NAV1: variants seen among roughly 807,000 people sequenced by gnomAD.
NAV1 encodes pore membrane and/or filament interacting like protein 3.
NAV1 carries 18 observed loss-of-function variants against 175.2 expected under a neutral mutation model. The observed-to-expected ratio is 0.10, with a 90% confidence interval of 0.07 to 0.15. NAV1 has a LOEUF of 0.15. NAV1 is among the 10% of genes least tolerant of loss of function. The probability of loss-of-function intolerance (pLI) is 1.00; values close to 1 mark genes in which losing one functional copy is unlikely to be tolerated. For synonymous variants in NAV1, 897 were observed against 978.7 expected (o/e 0.92, Z 1.56); for missense variants, 1,731 against 2,436.6 (o/e 0.71, Z 6.10).
intron 1 of NAV1, among the ~76,000 whole-genome samples, chr1:201,540,031 G>C (rs374797209): frequency 6.6e-6 from 1 of 152,326 alleles, no homozygotes; most frequent in Non-Finnish European, 1.5e-5. Context: ...GAGCGCTCCC[G>C]AGGCTTGGGC....
intron 1 of NAV1, among the ~76,000 whole-genome samples, chr1:201,704,918 A>C (rs1671602151): frequency 6.6e-6 from 1 of 152,186 alleles, no homozygotes; most frequent in Non-Finnish European, 1.5e-5. Flanking sequence ...CTGAGGCCCA[A>C]AGAGGGGAAG....
At chr1:201,715,165 CTT>C (rs34382311) in intron 2 of NAV1, among the ~76,000 whole-genome samples, 32 of 133,886 alleles carry the variant, frequency 2.4e-4, no homozygotes, top group Admixed American at 3.8e-4. Flanking sequence ...TTTTATGGCT[CTT>C]TTTTTTTTTT....
chr1:201,710,877 C>G (rs1209438719), intron 1 of NAV1, among the ~76,000 whole-genome samples: 1 of 152,190 alleles, frequency 6.6e-6, no homozygotes, highest in African/African-American at 2.4e-5. Flanking sequence ...GATCACCTTC[C>G]TCTTTGGGAA....
At chr1:201,583,818 G>A (rs754151792) in intron 1 of NAV1, among the ~76,000 whole-genome samples, 1 of 152,200 alleles carries the variant, frequency 6.6e-6, no homozygotes, top group African/African-American at 2.4e-5. Flanking sequence ...CATGTAAATA[G>A]CTTAAGAAGA....
At chr1:201,657,004 C>T (rs1669431383) in intron 1 of NAV1, among the ~76,000 whole-genome samples, 1 of 152,222 alleles carries the variant, frequency 6.6e-6, no homozygotes, top group African/African-American at 2.4e-5. Context: ...CCTGCCTTCT[C>T]TCTGTAGGAT....
chr1:201,684,459 T>C (rs974435496), intron 1 of NAV1, among the ~76,000 whole-genome samples: 5 of 147,514 alleles, frequency 3.4e-5, no homozygotes, highest in African/African-American at 1.2e-4. Flanking sequence ...TTCTAAACTT[T>C]CTTCCTTTAT....
In NAV1 at chr1:201,812,115, T is replaced by G. The variant is rs1204239158; in HGVS notation, c.5024+141T>G. 1.2e-6 allele frequency: 1 copy of G among 836,516 alleles called. No homozygotes were observed. The highest frequency in any genetic ancestry group is 2.0e-6 in the Non-Finnish European group (1 of 510,788). 51.8% of individuals were successfully genotyped at this position (836,516 alleles called of 1,614,324 possible). A position where few individuals can be genotyped will look rare whatever the true frequency, so the allele number is the denominator to read the frequency against. Reference sequence around the variant, plus strand: ...GGCTGGAAATAGAAAGTAGATGTATTTGTCATGTCAGTTACAAGGTGGAGG... The same window carrying G: ...GGCTGGAAATAGAAAGTAGATGTATGTGTCATGTCAGTTACAAGGTGGAGG... On this transcript the variant is annotated intron_variant, in intron 26 of 29. Coordinates refer to ENST00000367296, the Ensembl canonical transcript of NAV1. This position sits in a 1 kb window ranked among gnomAD's most constrained non-coding sequence, Gnocchi z 4.6.
At chr1:201,729,512 G>C (rs1044983773) in intron 3 of NAV1, among the ~76,000 whole-genome samples, 2 of 152,070 alleles carry the variant, frequency 1.3e-5, no homozygotes, top group African/African-American at 4.8e-5. Flanking sequence ...GTGGTGGCAG[G>C]CTCCTGTAGT....
intron 1 of NAV1, among the ~76,000 whole-genome samples, chr1:201,658,823 A>C (rs1240267237): frequency 1.3e-5 from 2 of 152,226 alleles, no homozygotes; most frequent in Non-Finnish European, 2.9e-5. Context: ...CAGCCTATGC[A>C]GTGCCCACAT....
intron 16 of NAV1, 38 bp from the exon 21 acceptor site, chr1:201,804,451 C>A: frequency 6.5e-7 from 1 of 1,527,774 alleles, no homozygotes; most frequent in Non-Finnish European, 8.8e-7. Context: ...TTTTTTTTTC[C>A]TTCAAAATGC....
At chr1:201,777,870 G>T (rs1466257072) in intron 3 of NAV1, among the ~76,000 whole-genome samples, 1 of 152,088 alleles carries the variant, frequency 6.6e-6, no homozygotes, top group Non-Finnish European at 1.5e-5. Flanking sequence ...GGGAGGCGAA[G>T]GCTGCAATGA....
intron 1 of NAV1, among the ~76,000 whole-genome samples, chr1:201,692,362 CAGAT>C (rs1302681649): frequency 6.6e-6 from 1 of 152,196 alleles, no homozygotes; most frequent in Non-Finnish European, 1.5e-5. Flanking sequence ...GGTGGAGTGA[CAGAT>C]AGCTCCAGTT....
chr1:201,680,901 C>T (rs1434220684), intron 1 of NAV1, among the ~76,000 whole-genome samples: 4 of 152,160 alleles, frequency 2.6e-5, no homozygotes, highest in African/African-American at 4.8e-5. Context: ...ACACTTCTTG[C>T]GCCCATGCTT....
chr1:201,658,724 G>C (rs1313398038), intron 1 of NAV1, among the ~76,000 whole-genome samples: 1 of 152,140 alleles, frequency 6.6e-6, no homozygotes. Context: ...TGTGCCCGCT[G>C]GTCCTTGGAG....
intron 1 of NAV1, among the ~76,000 whole-genome samples, chr1:201,573,582 A>G (rs1211785677): frequency 1.3e-5 from 2 of 152,084 alleles, no homozygotes; most frequent in Admixed American, 6.5e-5. Context: ...ACCCTCCATC[A>G]TGACAGAGGG....
chr1:201,602,248 G>A (rs934288492), intron 2 of NAV1, among the ~76,000 whole-genome samples: 16 of 152,042 alleles, frequency 1.1e-4, no homozygotes, highest in African/African-American at 3.1e-4. Context: ...TTCTTCCCAG[G>A]GCAGGAGAAA....
At chr1:201,806,629 A>G (rs75832925) in intron 17 of NAV1, among the ~76,000 whole-genome samples, 12,386 of 152,226 alleles carry the variant, frequency 0.081, 817 homozygotes, top group East Asian at 0.31. Context: ...TCTTACGTCA[A>G]TTATGCAATT....
intron 8 of NAV1, 137 bp from the exon 13 acceptor site, chr1:201,786,292 C>A: frequency 1.1e-6 from 1 of 876,402 alleles, no homozygotes; most frequent in Non-Finnish European, 1.8e-6. Flanking sequence ...CCTTGGGCAG[C>A]CCTGACCACT....
exon 30 of NAV1, chr1:201,826,401 T>C (rs1404511034): frequency 6.6e-6 from 1 of 152,270 alleles, no homozygotes; most frequent in East Asian, 1.9e-4. Flanking sequence ...TTTCTAATGC[T>C]TTTTTGTTTT....
Sources: allele counts gnomAD v4.1 joint callset (sites outside exome capture counted in the v4.1 genomes callset), GRCh38; gene constraint gnomAD v4.1.1; non-coding constraint Gnocchi (gnomAD v3.1); transcripts MANE v1.5; gene names NCBI Gene and HGNC (gene_info 2026-07-23, HGNC 2026-07-21).